The following RTN1 variants were observed in gnomAD, a reference collection of about 807,000 sequenced individuals.
The protein encoded by RTN1 is reticulon-1.
A neutral mutation model predicts 65.5 loss-of-function variants in RTN1; 25 were observed. That is an observed-to-expected ratio of 0.38 (90% confidence interval 0.28 to 0.53). RTN1 has a LOEUF of 0.53. Among genes scored for constraint, RTN1 ranks in the 20% least tolerant of loss-of-function variants. The pLI, the probability that RTN1 is intolerant of heterozygous loss-of-function variation, is 0.79. For synonymous variants in RTN1, 471 were observed against 447.6 expected (o/e 1.05, Z -0.66); for missense variants, 983 against 1,025.4 (o/e 0.96, Z 0.57).
chr14:59,674,609 G>A (rs1883582970), intron 3 of RTN1, among the ~76,000 whole-genome samples: 1 of 152,118 alleles, frequency 6.6e-6, no homozygotes, highest in Non-Finnish European at 1.5e-5. Flanking sequence ...TTAACAAACG[G>A]CATTCAAAGA....
chr14:59,754,295 T>C (rs1306089963), intron 1 of RTN1, among the ~76,000 whole-genome samples: 1 of 152,134 alleles, frequency 6.6e-6, no homozygotes, highest in African/African-American at 2.4e-5. Context: ...TCATAAAGGG[T>C]AGGTGTTTTA....
At chr14:59,759,825 G>GA (rs1885713293) in intron 1 of RTN1, among the ~76,000 whole-genome samples, 2 of 152,148 alleles carry the variant, frequency 1.3e-5, no homozygotes, top group African/African-American at 2.4e-5. Flanking sequence ...TTATCAGTTT[G>GA]AAAAAAATTC....
At chr14:59,602,912 A>G (rs1461834833) in intron 8 of RTN1, among the ~76,000 whole-genome samples, 153 bp downstream of exon 8, 2 of 152,212 alleles carry the variant, frequency 1.3e-5, no homozygotes, top group African/African-American at 2.4e-5. Context: ...CTAAAATAAC[A>G]TAATTGAGAA....
intron 3 of RTN1, among the ~76,000 whole-genome samples, chr14:59,639,276 C>G (rs146068264): frequency 7.2e-4 from 109 of 152,232 alleles, no homozygotes; most frequent in African/African-American, 2.6e-3. Context: ...TAACAGTTGT[C>G]ATAACTAGAA....
chr14:59,795,213 A>G (rs1305275131), intron 1 of RTN1, among the ~76,000 whole-genome samples: 4 of 152,238 alleles, frequency 2.6e-5, no homozygotes, highest in Non-Finnish European at 5.9e-5. Flanking sequence ...AATTTGTCCA[A>G]ACTGTTTTTA....
intron 3 of RTN1, among the ~76,000 whole-genome samples, chr14:59,688,589 C>A (rs7149112): frequency 0.62 from 94,891 of 151,976 alleles, 29,805 homozygotes; most frequent in South Asian, 0.71. Flanking sequence ...CTATACCCAG[C>A]CACATTGGCC....
chr14:59,792,657 T>A (rs758465499), intron 1 of RTN1, among the ~76,000 whole-genome samples: 2 of 152,178 alleles, frequency 1.3e-5, no homozygotes, highest in African/African-American at 2.4e-5. Flanking sequence ...GTCATTCCAA[T>A]TTCATTGGAA....
intron 1 of RTN1, among the ~76,000 whole-genome samples, chr14:59,795,939 C>T (rs1411408530): frequency 6.6e-6 from 1 of 152,084 alleles, no homozygotes; most frequent in Non-Finnish European, 1.5e-5. Context: ...AAATAATCTA[C>T]ATTATCCAAA....
intron 2 of RTN1, among the ~76,000 whole-genome samples, chr14:59,734,257 G>T (rs1884959900): frequency 6.6e-6 from 1 of 152,190 alleles, no homozygotes; most frequent in Non-Finnish European, 1.5e-5. Flanking sequence ...ATCAAAGGTA[G>T]ATAAGCCCAC....
chr14:59,743,877 G>C (rs925131873), intron 2 of RTN1, among the ~76,000 whole-genome samples: 3 of 152,150 alleles, frequency 2.0e-5, no homozygotes, highest in Non-Finnish European at 4.4e-5. Context: ...TGGTCCCCTG[G>C]AGGCAGGGAC....
At chr14:59,800,513 G>A (rs1886524486) in intron 1 of RTN1, among the ~76,000 whole-genome samples, 1 of 152,098 alleles carries the variant, frequency 6.6e-6, no homozygotes, top group African/African-American at 2.4e-5. Flanking sequence ...CCATTCTCCT[G>A]CCTCAGCTTC....
chr14:59,672,631 T>C (rs1349572147), intron 3 of RTN1, among the ~76,000 whole-genome samples: 1 of 113,672 alleles, frequency 8.8e-6, no homozygotes, highest in Non-Finnish European at 1.7e-5. Context: ...ATTTCTTTTT[T>C]TTTTTTTTTT....
At chr14:59,835,327 G>C (rs545700093) in intron 1 of RTN1, among the ~76,000 whole-genome samples, 1 of 152,094 alleles carries the variant, frequency 6.6e-6, no homozygotes, top group Non-Finnish European at 1.5e-5. Context: ...GAAAAGGGGC[G>C]GGGAGAGGGC....
intron 3 of RTN1, among the ~76,000 whole-genome samples, chr14:59,673,361 C>A (rs1883552387): frequency 6.6e-6 from 1 of 152,162 alleles, no homozygotes; most frequent in South Asian, 2.1e-4. Flanking sequence ...GTGTCTGGAG[C>A]TAGGCAAATG....
intron 3 of RTN1, among the ~76,000 whole-genome samples, chr14:59,723,483 G>C (rs1023398877): frequency 6.6e-6 from 1 of 151,926 alleles, no homozygotes; most frequent in Non-Finnish European, 1.5e-5. Flanking sequence ...GCGTGGTGGT[G>C]GTGGGCGCCT....
chr14:59,727,170 C>A lies in RTN1; in HGVS notation c.1514G>T (p.Arg505Leu), dbSNP rs773319346. 4 of 1,590,600 alleles carry A rather than the reference C, an allele frequency of 2.5e-6. No individual in the cohort carries two copies. In the African/African-American group the frequency reaches 5.4e-5, roughly 21 times the overall value. Residue 505 changes from arginine (R) to leucine (L), a missense_variant, in exon 3 of 9, where the codon CGG becomes CTG. Physicochemically the swap from Arg to Leu is moderately radical, Grantham distance 102. Around this residue, in one of 2 missense-constraint regions of RTN1, gnomAD observed 818 missense variants for 801.8 expected, o/e 1.02. Transcript: ENST00000267484. The surrounding 1 kb of genome is among the most constrained non-coding windows in gnomAD (Gnocchi z 4.2). ...LDAIREETGV[R>L]AEERAPSRRG... The stretch of plus-strand genomic sequence containing the variant: ...CCGGCTTGGCGCACGCTCCTCGGCC[C>A]GGACGCCAGTCTCCTCCCGGATGGC...
At chr14:59,658,982 C>A (rs764893023) in intron 3 of RTN1, among the ~76,000 whole-genome samples, 10 of 151,808 alleles carry the variant, frequency 6.6e-5, no homozygotes, top group Admixed American at 5.9e-4. Flanking sequence ...AGCTAAGAAC[C>A]GTGAAAAAAG....
chr14:59,787,740 G>C (rs929731097), intron 1 of RTN1, among the ~76,000 whole-genome samples: 2 of 152,158 alleles, frequency 1.3e-5, no homozygotes, highest in Non-Finnish European at 2.9e-5. Flanking sequence ...GTCTCATGTA[G>C]ACTGGGGTGA....
chr14:59,867,641 G>A (rs1484648021), intron 1 of RTN1, among the ~76,000 whole-genome samples: 1 of 152,160 alleles, frequency 6.6e-6, no homozygotes, highest in Non-Finnish European at 1.5e-5. Context: ...TACCATCAAT[G>A]TATAAAAATA....
Sources: allele counts gnomAD v4.1 joint callset (sites outside exome capture counted in the v4.1 genomes callset), GRCh38; gene constraint gnomAD v4.1.1; regional missense constraint gnomAD v4.1.1; non-coding constraint Gnocchi (gnomAD v3.1); transcripts MANE v1.5; gene names NCBI Gene and HGNC (gene_info 2026-07-23, HGNC 2026-07-21).